The following GALNT18 variants were observed in gnomAD, a reference collection of about 807,000 sequenced individuals.
GALNT18 encodes the protein GalNAc-transferase 18.
In GALNT18, 44 loss-of-function variants were observed where a neutral mutation model predicts 69.5. That is an observed-to-expected ratio of 0.63 (90% CI 0.50 to 0.81). The LOEUF (loss-of-function observed/expected upper bound fraction) is 0.81, where lower values mean the gene tolerates loss of function less well. GALNT18 is among the 40% of genes least tolerant of loss of function. The pLI, the probability that GALNT18 is intolerant of heterozygous loss-of-function variation, is 0.00. For synonymous variants in GALNT18, 364 were observed against 318.2 expected (o/e 1.14, Z -1.53); for missense variants, 715 against 810.0 (o/e 0.88, Z 1.42).
rs374444487 is a variant in GALNT18 at position 11,378,683 on chromosome 11, C to T, written c.779+398G>A. Among the ~76,000 whole-genome samples the T allele has an allele frequency of 7.9e-4, 120 of 152,336 alleles. 2 individuals carry two copies. In the South Asian group the frequency reaches 0.023, roughly 29 times the overall value. ...CCACCTTTGCCCACTTGCTGTTGGC[C>T]CTGGCTGTGAGGCTGGGCTTCTGCC... On this transcript the variant is annotated intron_variant, in intron 4 of 10. Coordinates refer to ENST00000227756, the MANE Select transcript of GALNT18 (RefSeq NM_198516.3).
At chr11:11,284,274 C>T (rs764099425) in intron 10 of GALNT18, among the ~76,000 whole-genome samples, 24 of 152,292 alleles carry the variant, frequency 1.6e-4, no homozygotes, top group Admixed American at 5.9e-4. Flanking sequence ...GTGGTGCCTA[C>T]GTGTGGTACA....
At chr11:11,507,486 T>C (rs1857088064) in intron 1 of GALNT18, among the ~76,000 whole-genome samples, 1 of 152,174 alleles carries the variant, frequency 6.6e-6, no homozygotes. Context: ...TCCTCTGCTT[T>C]AATCTCTTCC....
chr11:11,281,465 A>G (rs4601769), intron 10 of GALNT18, among the ~76,000 whole-genome samples: 33,488 of 152,220 alleles, frequency 0.22, 4,233 homozygotes, highest in Non-Finnish European at 0.28. Context: ...CTGCCCACTC[A>G]GCTGAAGATT....
At chr11:11,291,290 C>T (rs17349249) in intron 10 of GALNT18, among the ~76,000 whole-genome samples, 26,552 of 151,856 alleles carry the variant, frequency 0.17, 2,412 homozygotes, top group Admixed American at 0.22. Flanking sequence ...TGGCCACTTC[C>T]GACATAGCTT....
rs74774176 is a variant in GALNT18 at position 11,351,739 on chromosome 11, T to C, written c.1093-10735A>G. Reference sequence around the variant, plus strand: ...AGAATGACAATGAGCTTAAATGTCATAGGGATTTGGGGAGCAATTTTCTTT... The same window carrying C: ...AGAATGACAATGAGCTTAAATGTCACAGGGATTTGGGGAGCAATTTTCTTT... On this transcript the variant is annotated intron_variant, in intron 6 of 10. Coordinates refer to ENST00000227756, the MANE Select transcript of GALNT18 (RefSeq NM_198516.3). Among the ~76,000 whole-genome samples, 469 of 148,078 alleles carry C rather than the reference T, an allele frequency of 3.2e-3. 1 individual carries two copies. The highest frequency in any genetic ancestry group is 0.011 in the African/African-American group (436 of 40,088).
Position 11,542,872 on chromosome 11 carries a change from GC to G in GALNT18, c.235+78486del, listed in dbSNP as rs1590085580. Among the ~76,000 whole-genome samples, 1 of 152,208 alleles carries G rather than the reference GC, an allele frequency of 6.6e-6. No individual in the cohort carries two copies. The highest frequency in any genetic ancestry group is 2.4e-5 in the African/African-American group (1 of 41,448). On this transcript the variant is annotated intron_variant, in intron 1 of 10. Coordinates refer to ENST00000227756, the MANE Select transcript of GALNT18 (RefSeq NM_198516.3). This position sits in a 1 kb window ranked among gnomAD's most constrained non-coding sequence, Gnocchi z 4.3. Reference sequence around the variant, plus strand: ...GCTTTGCTTTGCTTTCTGAGACTCAGCCACAGCCTTTGGGCAAAGTGTTTAA... The same window carrying G: ...GCTTTGCTTTGCTTTCTGAGACTCAGCACAGCCTTTGGGCAAAGTGTTTAA...
At position 11,444,456 on chromosome 11, in the gene GALNT18, C is replaced by T. The variant is rs1314015100; in HGVS notation, c.428+4288G>A. ...TAAACTCCAGGAGATATCCGTCCGACGCTTTGTTGGGTGCCGGGCACATCA... is the reference window on the plus strand; with the variant it reads ...TAAACTCCAGGAGATATCCGTCCGATGCTTTGTTGGGTGCCGGGCACATCA... On this transcript the variant is annotated intron_variant, in intron 2 of 10. Transcript: ENST00000227756. The surrounding 1 kb of genome is among the most constrained non-coding windows in gnomAD (Gnocchi z 4.4). Among the ~76,000 whole-genome samples, 1 of 152,196 alleles carries T rather than the reference C, an allele frequency of 6.6e-6. No individual in the cohort carries two copies. Among genetic ancestry groups the T allele is most frequent in the Admixed American group, 6.5e-5 (1 of 15,282 alleles).
Position 11,511,050 on chromosome 11 carries a change from T to C in GALNT18, c.236-62114A>G, listed in dbSNP as rs1257370310. Among the ~76,000 whole-genome samples the C allele has an allele frequency of 6.6e-6, 1 of 151,936 alleles. No homozygotes were observed. Among genetic ancestry groups the C allele is most frequent in the African/African-American group, 2.4e-5 (1 of 41,376 alleles). Reference sequence around the variant, plus strand: ...CAGCTGGTACCGCCTTCCACTTGACTCCTGACAAAGACATGCAGCCTGCCA... The same window carrying C: ...CAGCTGGTACCGCCTTCCACTTGACCCCTGACAAAGACATGCAGCCTGCCA... On this transcript the variant is annotated intron_variant, in intron 1 of 10. Coordinates refer to ENST00000227756, the MANE Select transcript of GALNT18 (RefSeq NM_198516.3). The surrounding 1 kb of genome is among the most constrained non-coding windows in gnomAD (Gnocchi z 4.9).
Position 11,377,408 on chromosome 11 carries a change from G to A in GALNT18, c.780-29C>T, listed in dbSNP as rs1853793341. Reference sequence around the variant, plus strand: ...GGCAGAGAGGAGACAGCCAGAGAGGGTAACCATTTCCAAGGTGGAAAAATC... The same window carrying A: ...GGCAGAGAGGAGACAGCCAGAGAGGATAACCATTTCCAAGGTGGAAAAATC... On this transcript the variant is annotated intron_variant, in intron 4 of 10. Transcript: ENST00000227756. The surrounding 1 kb of genome is among the most constrained non-coding windows in gnomAD (Gnocchi z 4.6). The A allele has an allele frequency of 1.9e-6, 3 of 1,607,044 alleles. No homozygotes were observed. The highest frequency in any genetic ancestry group is 2.6e-6 in the Non-Finnish European group (3 of 1,174,654).
At chr11:11,297,995 T>C (rs1849431145) in intron 9 of GALNT18, among the ~76,000 whole-genome samples, 1 of 152,254 alleles carries the variant, frequency 6.6e-6, no homozygotes, top group Non-Finnish European at 1.5e-5. Flanking sequence ...GAGCCATGAC[T>C]GAGAGCTAAC....
chr11:11,408,425 C>T (rs1348828400), intron 3 of GALNT18, among the ~76,000 whole-genome samples: 2 of 150,730 alleles, frequency 1.3e-5, no homozygotes, highest in Admixed American at 6.6e-5. Flanking sequence ...GGGAATGTTC[C>T]TCTCAATGAA....
intron 3 of GALNT18, among the ~76,000 whole-genome samples, chr11:11,400,875 G>A (rs966555419): frequency 3.9e-5 from 6 of 151,968 alleles, no homozygotes; most frequent in African/African-American, 1.2e-4. Flanking sequence ...TATTGGGACC[G>A]TGCCATGAGT....
At chr11:11,562,000 GCAGGGC>G (rs1261739984) in intron 1 of GALNT18, among the ~76,000 whole-genome samples, 4 of 152,252 alleles carry the variant, frequency 2.6e-5, no homozygotes, top group African/African-American at 7.2e-5. Flanking sequence ...TGAATGCAGG[GCAGGGC>G]TCTAGCCAGG....
chr11:11,574,888 T>C (rs1213845091), intron 1 of GALNT18, among the ~76,000 whole-genome samples: 1 of 152,198 alleles, frequency 6.6e-6, no homozygotes, highest in African/African-American at 2.4e-5. Context: ...GCTAAAGAAT[T>C]GTTTGCTCCA....
chr11:11,380,952 T>C (rs76026592), intron 3 of GALNT18, among the ~76,000 whole-genome samples: 4,436 of 152,318 alleles, frequency 0.029, 156 homozygotes, highest in East Asian at 0.18. Flanking sequence ...AAGCTAGGGC[T>C]GGTGGGGGCT....
At chr11:11,575,919 A>G (rs1858914402) in intron 1 of GALNT18, among the ~76,000 whole-genome samples, 1 of 152,180 alleles carries the variant, frequency 6.6e-6, no homozygotes. Context: ...AATAATAACC[A>G]TATATATGGA....
intron 1 of GALNT18, among the ~76,000 whole-genome samples, chr11:11,489,699 T>A (rs1004296539): frequency 2.0e-5 from 3 of 152,180 alleles, no homozygotes; most frequent in Admixed American, 2.0e-4. Flanking sequence ...ATATTAATAA[T>A]AGCAAACATT....
chr11:11,465,905 C>G lies in GALNT18; in HGVS notation c.236-16969G>C, dbSNP rs34709152. On this transcript the variant is annotated intron_variant, in intron 1 of 10. Coordinates refer to ENST00000227756, the MANE Select transcript of GALNT18 (RefSeq NM_198516.3). This position sits in a 1 kb window ranked among gnomAD's most constrained non-coding sequence, Gnocchi z 5.7. ...CCTCACTGCATGGCTCACCAGTGCT[C>G]TGCTCAACATAGGGGGTAGGAAGGT... Among the ~76,000 whole-genome samples the G allele has an allele frequency of 0.42, 63,086 of 151,992 alleles. 14,112 individuals carry two copies. Among genetic ancestry groups the G allele is most frequent in the Non-Finnish European group, 0.49 (33,554 of 67,944 alleles).
At chr11:11,530,535 A>T (rs768981996) in intron 1 of GALNT18, among the ~76,000 whole-genome samples, 1 of 152,180 alleles carries the variant, frequency 6.6e-6, no homozygotes, top group Non-Finnish European at 1.5e-5. Flanking sequence ...CTGGAAGTCC[A>T]TCGGACCCAA....
Sources: gnomAD v4.1 joint callset for allele counts (sites outside exome capture counted in the v4.1 genomes callset) on GRCh38, gnomAD v4.1.1 for gene constraint, Gnocchi (gnomAD v3.1) non-coding constraint, MANE v1.5 for transcripts, NCBI Gene and HGNC (gene_info 2026-07-23, HGNC 2026-07-21) for gene names.